Variants in ROR1 observed in about 807,000 individuals in gnomAD.
The protein encoded by ROR1 is ROR family WNT receptor 1.
ROR1 carries 19 observed loss-of-function variants against 78.8 expected under a neutral mutation model. The ratio of observed to expected loss-of-function variants is 0.24; its 90% confidence interval spans 0.17 to 0.35. The LOEUF (loss-of-function observed/expected upper bound fraction) is 0.35, where lower values mean the gene tolerates loss of function less well. Among genes scored for constraint, ROR1 ranks in the 10% least tolerant of loss-of-function variants. The pLI is 1.00. For missense variants in ROR1, 917 were observed against 1,177.8 expected (o/e 0.78, Z 3.24); for synonymous variants, 386 against 433.6 (o/e 0.89, Z 1.36).
chr1:63,820,649 A>T (rs1197498352), intron 1 of ROR1, among the ~76,000 whole-genome samples: 2 of 152,138 alleles, frequency 1.3e-5, no homozygotes, highest in Non-Finnish European at 2.9e-5. Context: ...GAAGATGTGG[A>T]TAAAAGAATG....
intron 4 of ROR1, among the ~76,000 whole-genome samples, chr1:64,124,694 A>G (rs181261636): frequency 6.6e-6 from 1 of 152,314 alleles, no homozygotes; most frequent in Admixed American, 6.5e-5. Context: ...CTTGTCATAT[A>G]GGAGCAAATT....
chr1:63,949,630 G>C (rs1377012709), intron 1 of ROR1, among the ~76,000 whole-genome samples: 1 of 152,142 alleles, frequency 6.6e-6, no homozygotes, highest in Non-Finnish European at 1.5e-5. Flanking sequence ...CACATTCACA[G>C]AATGTGTCTG....
chr1:64,048,180 A>G (rs552007475), intron 2 of ROR1, among the ~76,000 whole-genome samples: 15 of 152,316 alleles, frequency 9.8e-5, no homozygotes, highest in African/African-American at 3.4e-4. Context: ...AAATTCAACA[A>G]ATTTGTGGCG....
intron 1 of ROR1, among the ~76,000 whole-genome samples, chr1:63,845,072 C>A (rs140187994): frequency 6.6e-6 from 1 of 152,172 alleles, no homozygotes; most frequent in East Asian, 1.9e-4. Flanking sequence ...GTGAGCGTAT[C>A]TAATTCTCTA....
chr1:63,777,347 A>G (rs1644623730), intron 1 of ROR1, among the ~76,000 whole-genome samples: 2 of 152,206 alleles, frequency 1.3e-5, no homozygotes, highest in African/African-American at 4.8e-5. Context: ...CTTGAAGGCA[A>G]TAAGACTGTG....
At chr1:64,138,510 G>A (rs1649196111) in intron 5 of ROR1, among the ~76,000 whole-genome samples, 1 of 151,670 alleles carries the variant, frequency 6.6e-6, no homozygotes, top group South Asian at 2.1e-4. Context: ...GAATGTGAAG[G>A]AACTGAGAGG....
intron 4 of ROR1, among the ~76,000 whole-genome samples, chr1:64,085,052 A>G (rs1033136851): frequency 2.0e-5 from 3 of 152,218 alleles, no homozygotes; most frequent in African/African-American, 7.2e-5. Context: ...GAGCATGCTT[A>G]AGGAAATAAT....
intron 2 of ROR1, among the ~76,000 whole-genome samples, chr1:64,045,097 T>G (rs868722301): frequency 1.3e-5 from 2 of 152,254 alleles, no homozygotes; most frequent in Non-Finnish European, 2.9e-5. Context: ...TTTATTGATA[T>G]GATTTCAGAT....
At chr1:63,843,112 G>T in intron 1 of ROR1, 1 of 632,512 alleles carries the variant, frequency 1.6e-6, no homozygotes, top group Admixed American at 2.3e-5. Context: ...CCTCTGGTCT[G>T]GGAGGAAGGG....
chr1:64,114,125 A>C (rs2100678375), intron 4 of ROR1, among the ~76,000 whole-genome samples: 1 of 152,130 alleles, frequency 6.6e-6, no homozygotes, highest in African/African-American at 2.4e-5. Context: ...GATGAGCCTC[A>C]CCTACCAGGG....
chr1:63,934,840 G>T (rs754603064), intron 1 of ROR1, among the ~76,000 whole-genome samples: 3 of 152,130 alleles, frequency 2.0e-5, no homozygotes, highest in Non-Finnish European at 2.9e-5. Flanking sequence ...GACTGAGCCT[G>T]CCATAGATTT....
chr1:63,965,118 G>A (rs1378875951), intron 1 of ROR1, among the ~76,000 whole-genome samples: 1 of 152,132 alleles, frequency 6.6e-6, no homozygotes, highest in Non-Finnish European at 1.5e-5. Context: ...AGAACTCCAT[G>A]AAGTATCATC....
intron 1 of ROR1, among the ~76,000 whole-genome samples, chr1:63,981,278 A>T (rs1409118755): frequency 6.6e-6 from 1 of 152,092 alleles, no homozygotes; most frequent in Non-Finnish European, 1.5e-5. Flanking sequence ...GAGCCAGAAA[A>T]TGACCCAGTC....
chr1:63,846,908 C>T (rs1215222670), intron 1 of ROR1, among the ~76,000 whole-genome samples: 6 of 152,282 alleles, frequency 3.9e-5, no homozygotes, highest in Non-Finnish European at 1.5e-5. Flanking sequence ...CCCAGGACAG[C>T]GGCCTTGGAG....
chr1:64,056,244 C>G (rs1646873117), intron 4 of ROR1, among the ~76,000 whole-genome samples: 1 of 152,094 alleles, frequency 6.6e-6, no homozygotes, highest in African/African-American at 2.4e-5. Flanking sequence ...TTTTGAGGAA[C>G]TGCAAAACTG....
chr1:63,899,035 G>C lies in ROR1; in HGVS notation c.92-110270G>C, dbSNP rs556951998. Among the ~76,000 whole-genome samples, 596 of 152,010 alleles carry C rather than the reference G, an allele frequency of 3.9e-3. 6 individuals carry two copies. The highest frequency in any genetic ancestry group is 1.3e-3 in the Non-Finnish European group (90 of 67,966). ...CACCCACCAAGAAGCACCGGGACGG[G>C]CAAAGCTCTCCATCACACAGGACCT... On this transcript the variant is annotated intron_variant, in intron 1 of 8. Coordinates refer to ENST00000371079, the MANE Select transcript of ROR1 (RefSeq NM_005012.4).
At chr1:63,878,998 C>G (rs1043225702) in intron 1 of ROR1, among the ~76,000 whole-genome samples, 5 of 151,960 alleles carry the variant, frequency 3.3e-5, no homozygotes, top group African/African-American at 1.2e-4. Flanking sequence ...GAAACCCCAA[C>G]TATTAAGGCT....
chr1:63,813,845 T>C (rs1644874484), intron 1 of ROR1, among the ~76,000 whole-genome samples: 1 of 152,252 alleles, frequency 6.6e-6, no homozygotes, highest in Admixed American at 6.5e-5. Flanking sequence ...CATAAGGTCA[T>C]GAGCTATTTT....
intron 1 of ROR1, chr1:63,843,380 G>A: frequency 1.3e-6 from 1 of 785,756 alleles, no homozygotes; most frequent in South Asian, 1.4e-5. Flanking sequence ...CAGGGACCCA[G>A]AAGATAAACA....
Sources: gnomAD v4.1 joint callset for allele counts (sites outside exome capture counted in the v4.1 genomes callset) on GRCh38, gnomAD v4.1.1 for gene constraint, MANE v1.5 for transcripts, NCBI Gene and HGNC (gene_info 2026-07-23, HGNC 2026-07-21) for gene names.